Variants in GSDMC observed in about 807,000 individuals in gnomAD.
The protein encoded by GSDMC is gasdermin-C.
A neutral mutation model predicts 58.0 loss-of-function variants in GSDMC; 59 were observed. The ratio of observed to expected loss-of-function variants is 1.02; its 90% CI spans 0.82 to 1.26. The LOEUF (loss-of-function observed/expected upper bound fraction) is 1.26. GSDMC is among the 50% of genes most tolerant of loss of function. GSDMC has a pLI of 0.00. For missense variants in GSDMC, 659 were observed against 598.5 expected, an observed-to-expected ratio of 1.10 and a Z score of -1.06; for synonymous variants, 241 against 220.2, an observed-to-expected ratio of 1.09 and a Z score of -0.83.
the GSDMC span, among the ~76,000 whole-genome samples, chr8:129,717,659 G>A: frequency 6.6e-6 from 1 of 151,808 alleles, no homozygotes; most frequent in African/African-American, 2.4e-5. Context: ...CACAGAATTA[G>A]AAAAAAACTA....
intron 13 of GSDMC, among the ~76,000 whole-genome samples, 161 bp from the exon 14 acceptor site, chr8:129,748,901 G>T (rs2033052870): frequency 6.6e-6 from 1 of 152,172 alleles, no homozygotes; most frequent in African/African-American, 2.4e-5. Flanking sequence ...ACGATCCAAA[G>T]ATCAAGTTAT....
chr8:129,732,136 C>T, the GSDMC span, among the ~76,000 whole-genome samples: 2 of 152,100 alleles, frequency 1.3e-5, no homozygotes, highest in African/African-American at 4.8e-5. Context: ...GATTAAGGCC[C>T]TTATAAAAGA....
downstream of GSDMC, among the ~76,000 whole-genome samples, chr8:129,745,368 C>T (rs976705780): frequency 1.2e-4 from 19 of 152,100 alleles, no homozygotes; most frequent in African/African-American, 4.3e-4. Context: ...CAGTAGGGTT[C>T]CCTAGGGATT....
intron 2 of GSDMC, among the ~76,000 whole-genome samples, chr8:129,776,758 G>T (rs148811824): frequency 1.4e-5 from 2 of 140,176 alleles, no homozygotes; most frequent in African/African-American, 2.8e-5. Flanking sequence ...TGTTGTTGTT[G>T]TTTTTGTTGT....
At chr8:129,737,511 G>A in the GSDMC span, among the ~76,000 whole-genome samples, 1 of 152,156 alleles carries the variant, frequency 6.6e-6, no homozygotes, top group Non-Finnish European at 1.5e-5. Context: ...TCTGATCTTT[G>A]ACAAACCTGA....
At chr8:129,731,701 G>C in the GSDMC span, among the ~76,000 whole-genome samples, 6 of 152,144 alleles carry the variant, frequency 3.9e-5, no homozygotes, top group African/African-American at 1.4e-4. Context: ...GGCAGTCTGC[G>C]TTATTCAAAG....
chr8:129,711,463 C>T, the GSDMC span, among the ~76,000 whole-genome samples: 2 of 152,190 alleles, frequency 1.3e-5, no homozygotes, highest in Non-Finnish European at 2.9e-5. Flanking sequence ...ATTATCTTAG[C>T]TAGGACAAAA....
chr8:129,717,090 T>C, the GSDMC span, among the ~76,000 whole-genome samples: 163 of 152,252 alleles, frequency 1.1e-3, 1 homozygote, highest in Non-Finnish European at 1.9e-3. Flanking sequence ...GTTGTTGTTG[T>C]GTCTCTGCCA....
At chr8:129,774,983 T>C (rs148545362) in intron 3 of GSDMC, among the ~76,000 whole-genome samples, 32 of 152,338 alleles carry the variant, frequency 2.1e-4, no homozygotes, top group African/African-American at 7.5e-4. Flanking sequence ...GTAATTGATA[T>C]AGCCATATGG....
At chr8:129,723,181 G>A in the GSDMC span, among the ~76,000 whole-genome samples, 3 of 152,308 alleles carry the variant, frequency 2.0e-5, no homozygotes, top group African/African-American at 7.2e-5. Context: ...TTCTGACCTT[G>A]ACACTCACCC....
the GSDMC span, among the ~76,000 whole-genome samples, chr8:129,706,247 G>A: frequency 6.6e-6 from 1 of 151,836 alleles, no homozygotes; most frequent in Non-Finnish European, 1.5e-5. Context: ...AATTACAGAG[G>A]GTTGCCAACT....
At chr8:129,747,944 A>G (rs572894038), downstream of GSDMC, among the ~76,000 whole-genome samples, 29 of 146,370 alleles carry the variant, frequency 2.0e-4, no homozygotes, top group African/African-American at 7.1e-4. Context: ...AGGAATATGC[A>G]CATACACACA....
intron 3 of GSDMC, among the ~76,000 whole-genome samples, chr8:129,775,594 T>C (rs7825839): frequency 0.1 from 15,270 of 152,164 alleles, 2,606 homozygotes; most frequent in African/African-American, 0.35. Context: ...TATACATACA[T>C]CAAATCATCA....
chr8:129,718,390 A>C, the GSDMC span, among the ~76,000 whole-genome samples: 1 of 152,266 alleles, frequency 6.6e-6, no homozygotes, highest in Admixed American at 6.5e-5. Context: ...TCTCAAAAGA[A>C]GACATTTATG....
At position 129,776,311 on chromosome 8, in the gene GSDMC, G is replaced by T. The variant is rs763837902; in HGVS notation, c.221-26C>A. On this transcript the variant is annotated intron_variant, in intron 2 of 13. Coordinates refer to ENST00000276708, the MANE Select transcript of GSDMC (RefSeq NM_031415.3). ...CTGGGGAAAGAAAAGACGACCATAGGTTTAGCCAAGAATTCATTCAAGAAT... is the reference window on the plus strand; with the variant it reads ...CTGGGGAAAGAAAAGACGACCATAGTTTTAGCCAAGAATTCATTCAAGAAT... 5 of 1,542,912 alleles carry T rather than the reference G, an allele frequency of 3.2e-6. No homozygotes were observed. The African/African-American group carries it at 5.6e-5, about 17-fold the overall frequency.
chr8:129,731,801 A>G, the GSDMC span, among the ~76,000 whole-genome samples: 1 of 152,326 alleles, frequency 6.6e-6, no homozygotes, highest in East Asian at 1.9e-4. Context: ...AAGTCAGAGC[A>G]AAAGTTAAAT....
chr8:129,722,775 T>C, the GSDMC span, among the ~76,000 whole-genome samples: 1 of 152,248 alleles, frequency 6.6e-6, no homozygotes, highest in South Asian at 2.1e-4. Flanking sequence ...GTCTTACATA[T>C]AGCATAGTCT....
At chr8:129,744,249 A>G (rs1446667688), downstream of GSDMC, among the ~76,000 whole-genome samples, 1 of 152,170 alleles carries the variant, frequency 6.6e-6, no homozygotes, top group East Asian at 1.9e-4. Flanking sequence ...CCTATTACAC[A>G]ATATCTGAAA....
the GSDMC span, among the ~76,000 whole-genome samples, chr8:129,737,469 C>T: frequency 6.6e-6 from 1 of 152,114 alleles, no homozygotes; most frequent in Non-Finnish European, 1.5e-5. Context: ...CAGAAAAGAG[C>T]CCTCAGAAAC....
Sources: allele counts gnomAD v4.1 joint callset (sites outside exome capture counted in the v4.1 genomes callset), GRCh38; gene constraint gnomAD v4.1.1; transcripts MANE v1.5; gene names NCBI Gene and HGNC (gene_info 2026-07-23, HGNC 2026-07-21).